Variants in AKAP8 observed in about 807,000 individuals in gnomAD.
AKAP8 encodes the protein A-kinase anchor protein 8.
AKAP8 carries 24 observed loss-of-function variants against 67.5 expected under a neutral mutation model. The ratio of observed to expected loss-of-function variants is 0.36; its 90% confidence interval spans 0.26 to 0.50. The LOEUF is 0.50. AKAP8 is among the 20% of genes least tolerant of loss of function. The pLI, the probability that AKAP8 is intolerant of heterozygous loss-of-function variation, is 0.97. For missense variants in AKAP8, 971 were observed against 955.9 expected (o/e 1.02, Z -0.21); for synonymous variants, 400 against 371.1 (o/e 1.08, Z -0.90).
Position 15,370,121 on chromosome 19 carries a change from C to T in AKAP8, c.1072+25G>A, listed in dbSNP as rs573292378. 26 of 1,614,010 alleles carry T rather than the reference C, an allele frequency of 1.6e-5. No homozygotes were observed. In the African/African-American group the frequency reaches 2.0e-4, roughly 12 times the overall value. ...GGGCAGCTGGGAAGACACAGGAAAGCTGCAAGGGACACGGTGATGCCTACC... is the reference window on the plus strand; with the variant it reads ...GGGCAGCTGGGAAGACACAGGAAAGTTGCAAGGGACACGGTGATGCCTACC... On this transcript the variant is annotated intron_variant, in intron 8 of 13. Transcript: ENST00000269701.
chr19:15,357,618 CTTAGAAG>C lies in AKAP8; in HGVS notation c.1623+1342_1623+1348del, dbSNP rs1327538221. Among the ~76,000 whole-genome samples, 3 of 151,078 alleles carry C rather than the reference CTTAGAAG, an allele frequency of 2.0e-5. No individual in the cohort carries two copies. In the East Asian group the frequency reaches 5.8e-4, roughly 29 times the overall value. On this transcript the variant is annotated intron_variant, in intron 13 of 13. Transcript: ENST00000269701. ...AGACCCTGACTCAAAAAAAAAGACG[CTTAGAAG>C]CCTGAGCTCACACTTGACTCTGGAA... is the stretch of plus-strand genomic sequence containing the variant.
chr19:15,366,099 T>A (rs7255477), intron 9 of AKAP8, among the ~76,000 whole-genome samples: 1,015 of 83,832 alleles, frequency 0.012, 3 homozygotes, highest in African/African-American at 0.015. Flanking sequence ...TTTTTTTTTT[T>A]AAAAAAAGTC....
intron 5 of AKAP8, 56 bp downstream of exon 5, chr19:15,372,795 T>A (rs1967182003): frequency 6.8e-6 from 10 of 1,469,644 alleles, no homozygotes; most frequent in African/African-American, 1.4e-5. Context: ...TTTACCTCAA[T>A]AAAGCTGCTA....
chr19:15,361,454 C>T (rs1966964626), intron 11 of AKAP8: 2 of 340,904 alleles, frequency 5.9e-6, no homozygotes, highest in South Asian at 2.8e-5. Context: ...AGGTTGACAC[C>T]ATTCTCCTGC....
rs976420115 is a variant in AKAP8 at position 15,379,544 on chromosome 19, C to A, written c.19+169G>T. 15 of 650,564 alleles carry A rather than the reference C, an allele frequency of 2.3e-5. 1 individual carries two copies. Among genetic ancestry groups the A allele is most frequent in the Non-Finnish European group, 3.1e-5 (13 of 422,276 alleles). 40.3% of individuals were successfully genotyped at this position (650,564 alleles called of 1,614,324 possible). On this transcript the variant is annotated intron_variant, in intron 1 of 13. Transcript: ENST00000269701. ...GCACGCAGAGCCCCGGGAGCGACGG[C>A]GCCAAAGCCCAATGAGCGGCGCGCG...
chr19:15,358,655 G>C (rs1481535497), intron 13 of AKAP8, among the ~76,000 whole-genome samples: 1 of 151,668 alleles, frequency 6.6e-6, no homozygotes, highest in Non-Finnish European at 1.5e-5. Context: ...GCTAGCCTTG[G>C]GTTTTTCTTA....
chr19:15,373,129 A>AGCGGCC lies in AKAP8; in HGVS notation c.577_582dup (p.Gly193_Arg194dup), dbSNP rs776366190. On this transcript the variant is annotated inframe_insertion, in exon 5 of 14. Coordinates refer to ENST00000269701, the MANE Select transcript of AKAP8 (RefSeq NM_005858.4). ...GTGCCAGGGTTGCTCCGGTCCTGGAAGCGGCCCTGGCCCCGGCCCCGCATG... is the reference window on the plus strand; with the variant it reads ...GTGCCAGGGTTGCTCCGGTCCTGGAAGCGGCCGCGGCCCTGGCCCCGGCCCCGCATG... 7 of 1,612,798 alleles carry AGCGGCC rather than the reference A, an allele frequency of 4.3e-6. No individual in the cohort carries two copies. The African/African-American group carries it at 9.3e-5, about 22-fold the overall frequency.
rs1007440533 is a variant in AKAP8, at chr19:15,377,077, G to A, written c.20-63C>T. ...ACACCAGAGAACGGGTCCTTTTGGG[G>A]GTACTCCTAAAGGGATCTCCTTACA... is the stretch of plus-strand genomic sequence containing the variant. On this transcript the variant is annotated intron_variant, in intron 1 of 13. Coordinates refer to ENST00000269701, the MANE Select transcript of AKAP8 (RefSeq NM_005858.4). The A allele has an allele frequency of 2.4e-5, 37 of 1,563,424 alleles. No homozygotes were observed. In the African/African-American group the frequency reaches 4.2e-4, roughly 18 times the overall value.
rs1262162638 is a variant in AKAP8, at chr19:15,373,127, G to A, written c.585C>T (p.Phe195=). Residue 195 remains phenylalanine (F), a synonymous_variant, in exon 5 of 14, where the codon TTC becomes TTT. Transcript: ENST00000269701. ...AGGTGCCAGGGTTGCTCCGGTCCTG[G>A]AAGCGGCCCTGGCCCCGGCCCCGCA... The part of the protein sequence containing the change: ...GFMRGRGQGR[F]QDRSNPGTFM... 1.1e-5 allele frequency: 17 copies of A among 1,612,766 alleles called. No homozygotes were observed. Among genetic ancestry groups the A allele is most frequent in the Non-Finnish European group, 1.4e-5 (16 of 1,179,862 alleles).
chr19:15,368,911 A>G (rs1967111241), intron 8 of AKAP8: 3 of 985,220 alleles, frequency 3.0e-6, no homozygotes, highest in Non-Finnish European at 3.6e-6. Flanking sequence ...AAGCAATCCT[A>G]GAAAAAAATT....
At chr19:15,371,385 G>A (rs904305171) in intron 7 of AKAP8, among the ~76,000 whole-genome samples, 9 of 152,196 alleles carry the variant, frequency 5.9e-5, no homozygotes, top group African/African-American at 1.9e-4. Flanking sequence ...CCTCCAGCCT[G>A]TGCTTGGAGG....
At position 15,359,048 on chromosome 19, in the gene AKAP8, C is replaced by T. The variant is rs531108041; in HGVS notation, c.1542G>A (p.Gln514=). 1 of 1,614,218 alleles carries T rather than the reference C, an allele frequency of 6.2e-7. No homozygotes were observed. The highest frequency in any genetic ancestry group is 1.3e-5 in the African/African-American group (1 of 75,060). Residue 514 remains glutamine, a synonymous_variant, in exon 13 of 14, where the codon CAG becomes CAA. Coordinates refer to ENST00000269701, the MANE Select transcript of AKAP8 (RefSeq NM_005858.4). ...HNHNRRLAAE[Q]FKKTSLHVAK... ...CCACATGGAGACTGGTTTTCTTGAACTGTTCAGCAGCCAACTGCAAAGGGA... is the reference window on the plus strand; with the variant it reads ...CCACATGGAGACTGGTTTTCTTGAATTGTTCAGCAGCCAACTGCAAAGGGA...
rs1446478436 is a variant in AKAP8, at chr19:15,372,931, T to A, written c.781A>T (p.Met261Leu). 4 of 1,530,652 alleles carry A rather than the reference T, an allele frequency of 2.6e-6. No homozygotes were observed. Among genetic ancestry groups the A allele is most frequent in the African/African-American group, 1.4e-5 (1 of 72,168 alleles). 94.8% of individuals were successfully genotyped at this position (1,530,652 alleles called of 1,614,324 possible). Residue 261 changes from methionine (M) to leucine (L), a missense_variant, in exon 5 of 14, where the codon ATG (methionine) becomes TTG (leucine). This residue lies in a region of AKAP8 where 763 missense variants were observed against 745.4 expected (regional missense o/e 1.02). Transcript: ENST00000269701. ...SMAPDYGVMG[M>L]QGAGGYDSTM... is the part of the protein sequence containing the mutation. ...CTGTCATAGCCGCCCGCCCCCTGCA[T>A]GCCCATCACGCCGTAGTCGGGAGCC...
intron 11 of AKAP8, 176 bp downstream of exon 11, chr19:15,361,553 C>A (rs146991669): frequency 9.2e-6 from 5 of 542,920 alleles, no homozygotes; most frequent in Non-Finnish European, 1.7e-5. Flanking sequence ...GGGGTTTCAC[C>A]GTGTCAGACA....
In AKAP8 at chr19:15,372,256, A is replaced by G; in HGVS notation, c.953T>C (p.Leu318Pro). Residue 318 changes from leucine (L) to proline (P), a missense_variant, in exon 6 of 14, where the codon CTG becomes CCG. Transcript: ENST00000269701. The part of the protein sequence containing the change: ...FQLYEEPDTK[L>P]ARVDSEGDFS... ...ATCTCCTTCACTGTCAACCCGGGCCAGTTTGGTGTCTGGCTCCTCGTAAAG... is the reference window on the plus strand; with the variant it reads ...ATCTCCTTCACTGTCAACCCGGGCCGGTTTGGTGTCTGGCTCCTCGTAAAG... 1.2e-6 allele frequency: 2 copies of G among 1,614,210 alleles called. No individual in the cohort carries two copies. Among genetic ancestry groups the G allele is most frequent in the Non-Finnish European group, 1.7e-6 (2 of 1,180,048 alleles).
At chr19:15,378,168 G>C (rs1967288416) in intron 1 of AKAP8, among the ~76,000 whole-genome samples, 1 of 152,206 alleles carries the variant, frequency 6.6e-6, no homozygotes, top group African/African-American at 2.4e-5. Context: ...TACGAGACTT[G>C]ACCCAGTCAT....
At chr19:15,366,154 G>GAAAAAAAAAAAAAAAGAAAAAAAA (rs374068497) in intron 9 of AKAP8, among the ~76,000 whole-genome samples, 1 of 95,028 alleles carries the variant, frequency 1.1e-5, no homozygotes, top group African/African-American at 4.3e-5. Flanking sequence ...AAAGCAAAAA[G>GAAAAAAAAAAAAAAAGAAAAAAAA]AAAAAAAAAA....
chr19:15,368,862 A>G, intron 8 of AKAP8: 2 of 985,154 alleles, frequency 2.0e-6, no homozygotes, highest in Non-Finnish European at 2.4e-6. Flanking sequence ...TTCCACTCAC[A>G]AAAACCGTCA....
At chr19:15,363,748 G>A (rs1322283065) in intron 9 of AKAP8, among the ~76,000 whole-genome samples, 12 of 152,312 alleles carry the variant, frequency 7.9e-5, no homozygotes, top group African/African-American at 2.4e-4. Flanking sequence ...TTGAGAAATC[G>A]GATGGTTGCT....
Sources: gnomAD v4.1 joint callset for allele counts (sites outside exome capture counted in the v4.1 genomes callset) on GRCh38, gnomAD v4.1.1 for gene constraint, gnomAD v4.1.1 regional missense constraint, MANE v1.5 for transcripts, NCBI Gene and HGNC (gene_info 2026-07-23, HGNC 2026-07-21) for gene names.